PAPSS1: variants seen among roughly 807,000 people sequenced by gnomAD.
The protein encoded by PAPSS1 is 3'-phosphoadenosine 5'-phosphosulfate synthase 1.
Under a neutral mutation model 72.0 loss-of-function variants are expected in PAPSS1, and 50 were observed. The observed-to-expected ratio is 0.69, with a 90% CI of 0.55 to 0.88. The LOEUF is 0.88. Among genes scored for constraint, PAPSS1 ranks in the 40% least tolerant of loss-of-function variants. PAPSS1 has a pLI of 0.00. For missense variants in PAPSS1, 657 were observed against 782.2 expected, an observed-to-expected ratio of 0.84 and a Z score of 1.91; for synonymous variants, 261 against 263.6, an observed-to-expected ratio of 0.99 and a Z score of 0.09.
At chr4:107,709,006 C>T (rs1007463546) in intron 1 of PAPSS1, among the ~76,000 whole-genome samples, 1 of 152,236 alleles carries the variant, frequency 6.6e-6, no homozygotes, top group Non-Finnish European at 1.5e-5. Context: ...CTGGACCTCA[C>T]TTCCATTTTC....
chr4:107,701,284 C>A lies in PAPSS1; in HGVS notation c.62G>T (p.Gly21Val), dbSNP rs1332214627. The A allele has an allele frequency of 6.2e-7, 1 of 1,601,206 alleles. No individual in the cohort carries two copies. The change falls in exon 2 of 12, where the codon GGA (glycine) becomes GTA (valine). Residue 21 changes from glycine (G) to valine (V), a missense_variant and splice_region_variant. By Grantham distance (109) the Gly-to-Val change is moderately radical. Coordinates refer to ENST00000265174, the MANE Select transcript of PAPSS1 (RefSeq NM_005443.5). Reference sequence around the variant, plus strand: ...GGTGACATTGGTTGCTCTCTGCATTCCCTAGAAAAAAAAGAAAAAAAAAAT... The same window carrying A: ...GGTGACATTGGTTGCTCTCTGCATTACCTAGAAAAAAAAGAAAAAAAAAAT... ...VKLSNNAQNWGMQRATNVTYQ... is the reference protein window; with the variant it reads ...VKLSNNAQNWVMQRATNVTYQ...
intron 11 of PAPSS1, among the ~76,000 whole-genome samples, chr4:107,621,177 G>C (rs1031504491): frequency 1.3e-5 from 2 of 152,152 alleles, no homozygotes; most frequent in Non-Finnish European, 2.9e-5. Flanking sequence ...CCAGAGTAGG[G>C]GGGAGCCTTC....
intron 1 of PAPSS1, among the ~76,000 whole-genome samples, chr4:107,712,972 G>T (rs1202672289): frequency 5.3e-5 from 8 of 151,332 alleles, no homozygotes; most frequent in Non-Finnish European, 1.2e-4. Context: ...ATACAAAATG[G>T]AGTCTTGCTC....
chr4:107,717,701 C>G (rs1278644447), intron 1 of PAPSS1, among the ~76,000 whole-genome samples: 1 of 152,200 alleles, frequency 6.6e-6, no homozygotes, highest in East Asian at 1.9e-4. Context: ...ACTAAACTCT[C>G]CTTTGTGTTT....
Position 107,669,304 on chromosome 4 carries a change from A to G in PAPSS1, c.670-9232T>C, listed in dbSNP as rs192775930. Among the ~76,000 whole-genome samples the G allele has an allele frequency of 3.2e-4, 48 of 152,358 alleles. No homozygotes were observed. In the East Asian group the frequency reaches 7.1e-3, roughly 23 times the overall value. ...GGTTTCTCCATGTGCCCTAATGCCC[A>G]CTGGGATTCAACTTAGTGAGAAAAA... On this transcript the variant is annotated intron_variant, in intron 5 of 11. Transcript: ENST00000265174.
At chr4:107,635,303 C>T (rs1309181086) in intron 10 of PAPSS1, among the ~76,000 whole-genome samples, 3 of 151,858 alleles carry the variant, frequency 2.0e-5, no homozygotes, top group African/African-American at 4.8e-5. Flanking sequence ...AGAAAAAACT[C>T]GAGGGAAAAA....
rs1382178284 is a variant in PAPSS1, at chr4:107,677,164, C to G, written c.669+4851G>C. On this transcript the variant is annotated intron_variant, in intron 5 of 11. Coordinates refer to ENST00000265174, the MANE Select transcript of PAPSS1 (RefSeq NM_005443.5). ...TCTAAAACACCAAAAGCAATGGCAA[C>G]AAAAGCCAAAATTGACAAATGGGAT... 6.6e-5 allele frequency among the ~76,000 whole-genome samples: 10 copies of G among 151,770 alleles called. No individual in the cohort carries two copies. The East Asian group carries it at 2.0e-3, about 30-fold the overall frequency.
intron 7 of PAPSS1, among the ~76,000 whole-genome samples, chr4:107,656,276 T>C (rs1469991612): frequency 2.0e-5 from 3 of 152,124 alleles, no homozygotes; most frequent in East Asian, 3.9e-4. Context: ...CCACCACACC[T>C]AGCTAAGTTT....
At chr4:107,649,464 C>T (rs982584614) in intron 9 of PAPSS1, among the ~76,000 whole-genome samples, 7 of 152,210 alleles carry the variant, frequency 4.6e-5, no homozygotes, top group African/African-American at 1.7e-4. Context: ...TAACTCTGAC[C>T]ACCTTTCTTT....
intron 2 of PAPSS1, 185 bp from the exon 3 acceptor site, chr4:107,694,191 G>C (rs958965500): frequency 4.0e-5 from 22 of 553,774 alleles, no homozygotes; most frequent in Middle Eastern, 4.5e-4. Flanking sequence ...CTTCCAAATA[G>C]CTAGGACAAC....
intron 5 of PAPSS1, among the ~76,000 whole-genome samples, chr4:107,664,539 C>A (rs963338960): frequency 6.6e-6 from 1 of 152,150 alleles, no homozygotes; most frequent in Non-Finnish European, 1.5e-5. Context: ...CCCCACAACA[C>A]TGAGGGCACA....
intron 9 of PAPSS1, among the ~76,000 whole-genome samples, chr4:107,646,377 C>CTTT (rs1157533696): frequency 7.0e-6 from 1 of 142,528 alleles, no homozygotes. Flanking sequence ...GTTTTGTCCA[C>CTTT]TTTTTTTTTT....
intron 11 of PAPSS1, among the ~76,000 whole-genome samples, chr4:107,628,346 A>G (rs1429540288): frequency 6.6e-6 from 1 of 152,216 alleles, no homozygotes; most frequent in Non-Finnish European, 1.5e-5. Context: ...ACAACAAACT[A>G]CATCCATTTT....
At chr4:107,719,319 G>A (rs1458972050) in intron 1 of PAPSS1, among the ~76,000 whole-genome samples, 2 of 151,960 alleles carry the variant, frequency 1.3e-5, no homozygotes, top group Non-Finnish European at 2.9e-5. Flanking sequence ...AGACTCCAAA[G>A]ATGGGCCCTT....
chr4:107,713,002 C>T (rs1023243828), intron 1 of PAPSS1, among the ~76,000 whole-genome samples: 98 of 151,156 alleles, frequency 6.5e-4, no homozygotes, highest in African/African-American at 2.3e-3. Context: ...GGCTGGAGTG[C>T]AGTGGCATGA....
intron 6 of PAPSS1, among the ~76,000 whole-genome samples, chr4:107,658,291 GA>G (rs1232647343): frequency 1.7e-3 from 167 of 98,480 alleles, no homozygotes; most frequent in East Asian, 7.7e-3. Context: ...GTCTTGTTAG[GA>G]AAAAAAAAAA....
chr4:107,671,357 T>C lies in PAPSS1; in HGVS notation c.669+10658A>G, dbSNP rs573712761. Among the ~76,000 whole-genome samples the C allele has an allele frequency of 1.5e-3, 232 of 151,746 alleles. 1 individual carries two copies. Among genetic ancestry groups the C allele is most frequent in the African/African-American group, 5.3e-3 (218 of 41,396 alleles). On this transcript the variant is annotated intron_variant, in intron 5 of 11. Coordinates refer to ENST00000265174, the MANE Select transcript of PAPSS1 (RefSeq NM_005443.5). Reference sequence around the variant, plus strand: ...AAGTGTCAAACCCAAAGGACACTATTCTAAATAGGGCCCCAAAGAAGTGAT... The same window carrying C: ...AAGTGTCAAACCCAAAGGACACTATCCTAAATAGGGCCCCAAAGAAGTGAT...
intron 5 of PAPSS1, among the ~76,000 whole-genome samples, chr4:107,674,311 T>C (rs1402807607): frequency 6.6e-6 from 1 of 152,132 alleles, no homozygotes; most frequent in Admixed American, 6.5e-5. Flanking sequence ...GAGACACACA[T>C]AGGCTCAAAT....
In PAPSS1 at chr4:107,712,459, G is replaced by A. The variant is rs115233163; in HGVS notation, c.60+7661C>T. Among the ~76,000 whole-genome samples, 826 of 152,266 alleles carry A rather than the reference G, an allele frequency of 5.4e-3. 8 individuals are homozygous for A. Among genetic ancestry groups the A allele is most frequent in the African/African-American group, 0.019 (776 of 41,540 alleles). ...AAAATACACTAATGTCCACCTCAAA[G>A]GTTGAAATTAACTATTAAAACCACA... On this transcript the variant is annotated intron_variant, in intron 1 of 11. Transcript: ENST00000265174.
Sources: gnomAD v4.1 joint callset for allele counts (sites outside exome capture counted in the v4.1 genomes callset) on GRCh38, gnomAD v4.1.1 for gene constraint, MANE v1.5 for transcripts, NCBI Gene and HGNC (gene_info 2026-07-23, HGNC 2026-07-21) for gene names.